The following THSD4 variants were observed in gnomAD, a reference collection of about 807,000 sequenced individuals.
THSD4 encodes thrombospondin type-1 domain-containing protein 4.
In THSD4, 69 loss-of-function variants were observed where a neutral mutation model predicts 119.0. The ratio of observed to expected loss-of-function variants is 0.58; its 90% CI spans 0.48 to 0.71. The LOEUF (loss-of-function observed/expected upper bound fraction) is 0.71. THSD4 is among the 30% of genes least tolerant of loss of function. The probability of loss-of-function intolerance (pLI) is 0.00; values close to 1 mark genes in which losing one functional copy is unlikely to be tolerated. For synonymous variants in THSD4, 524 were observed against 540.4 expected (o/e 0.97, Z 0.42); for missense variants, 1,393 against 1,391.1 (o/e 1.00, Z -0.02).
chr15:71,507,344 A>G (rs920432063), intron 7 of THSD4, among the ~76,000 whole-genome samples: 3 of 152,104 alleles, frequency 2.0e-5, no homozygotes, highest in Admixed American at 1.3e-4. Flanking sequence ...CCAGGAACCA[A>G]TTTGGGTTTT....
intron 6 of THSD4, among the ~76,000 whole-genome samples, chr15:71,329,739 T>C (rs533126837): frequency 6.6e-6 from 1 of 152,246 alleles, no homozygotes; most frequent in Admixed American, 6.5e-5. Context: ...GTGGTAACAA[T>C]AAAATGAAGG....
intron 6 of THSD4, among the ~76,000 whole-genome samples, chr15:71,326,384 A>T (rs2045338546): frequency 1.3e-5 from 2 of 151,646 alleles, no homozygotes; most frequent in Admixed American, 1.3e-4. Context: ...GATAACGGTG[A>T]TAGTGGTGGT....
chr15:71,121,048 G>A (rs2040404720), intron 1 of THSD4, among the ~76,000 whole-genome samples: 1 of 152,174 alleles, frequency 6.6e-6, no homozygotes, highest in Non-Finnish European at 1.5e-5. Flanking sequence ...TTCCTTCTTG[G>A]AAACCCTCCG....
At chr15:71,480,826 G>T (rs549690043) in intron 7 of THSD4, among the ~76,000 whole-genome samples, 10 of 152,282 alleles carry the variant, frequency 6.6e-5, no homozygotes, top group African/African-American at 2.4e-4. Flanking sequence ...GAAGAGGAGC[G>T]CAGTGGATAG....
intron 6 of THSD4, among the ~76,000 whole-genome samples, chr15:71,371,799 G>GAA (rs2046053921): frequency 1.3e-5 from 2 of 152,114 alleles, no homozygotes; most frequent in Non-Finnish European, 2.9e-5. Flanking sequence ...GGCATTCTCT[G>GAA]TATTTCCTGA....
At chr15:71,535,035 A>C (rs774664304) in intron 7 of THSD4, among the ~76,000 whole-genome samples, 1 of 152,206 alleles carries the variant, frequency 6.6e-6, no homozygotes, top group Non-Finnish European at 1.5e-5. Context: ...TAGTATATTT[A>C]TATTCACAGG....
chr15:71,663,923 G>C (rs1185896390), intron 8 of THSD4, among the ~76,000 whole-genome samples: 1 of 151,892 alleles, frequency 6.6e-6, no homozygotes, highest in Non-Finnish European at 1.5e-5. Flanking sequence ...TTGATCTGCA[G>C]AATAAGCAAT....
Position 71,440,577 on chromosome 15 carries a change from C to T in THSD4, c.1152+28754C>T, listed in dbSNP as rs185888389. On this transcript the variant is annotated intron_variant, in intron 7 of 17. Coordinates refer to ENST00000261862, the MANE Select transcript of THSD4 (RefSeq NM_024817.3). ...TAAATGAAAGTCTATGCCTTATTGC[C>T]GTGTTCCTGCTTTTATAGATCATAT... Among the ~76,000 whole-genome samples, 275 of 152,266 alleles carry T rather than the reference C, an allele frequency of 1.8e-3. 2 individuals carry two copies. The highest frequency in any genetic ancestry group is 3.4e-3 in the Middle Eastern group (1 of 294).
intron 5 of THSD4, among the ~76,000 whole-genome samples, chr15:71,256,017 G>A (rs1429619322): frequency 1.3e-5 from 2 of 152,062 alleles, no homozygotes; most frequent in East Asian, 3.9e-4. Context: ...AAATTATAGT[G>A]TGCAAAAAAA....
chr15:71,548,392 T>A (rs1482145325), intron 7 of THSD4, among the ~76,000 whole-genome samples: 1 of 152,232 alleles, frequency 6.6e-6, no homozygotes, highest in Non-Finnish European at 1.5e-5. Flanking sequence ...TTGCCTTTTG[T>A]TAGCCTTGTC....
At chr15:71,572,057 CAGAA>C (rs1441989063) in intron 7 of THSD4, among the ~76,000 whole-genome samples, 10 of 151,848 alleles carry the variant, frequency 6.6e-5, no homozygotes, top group African/African-American at 1.2e-4. Context: ...TTATTGTTGA[CAGAA>C]AGAGAGAGAG....
chr15:71,752,258 A>G (rs2053461354), intron 14 of THSD4, among the ~76,000 whole-genome samples: 1 of 152,160 alleles, frequency 6.6e-6, no homozygotes. Context: ...CTACATGTAA[A>G]TTTTCCAAAG....
At chr15:71,122,012 T>C (rs780738137) in intron 1 of THSD4, among the ~76,000 whole-genome samples, 2 of 152,154 alleles carry the variant, frequency 1.3e-5, no homozygotes, top group African/African-American at 4.8e-5. Context: ...GGTAGAGCTG[T>C]GTCTTCAAGT....
At chr15:71,247,182 GC>G (rs1209886170) in intron 5 of THSD4, among the ~76,000 whole-genome samples, 2 of 151,834 alleles carry the variant, frequency 1.3e-5, no homozygotes, top group South Asian at 4.2e-4. Context: ...ACAGGCATGA[GC>G]CACTGCACCC....
chr15:71,230,118 T>C (rs112485696), intron 4 of THSD4, among the ~76,000 whole-genome samples: 21 of 152,300 alleles, frequency 1.4e-4, no homozygotes, highest in African/African-American at 5.1e-4. Flanking sequence ...CAGAGGGCAC[T>C]GTTTGACAGT....
intron 10 of THSD4, among the ~76,000 whole-genome samples, chr15:71,735,818 C>T (rs1266597746): frequency 6.6e-6 from 1 of 151,582 alleles, no homozygotes; most frequent in Admixed American, 6.6e-5. Context: ...CTCTATCTCT[C>T]TGTCTCTCTT....
intron 3 of THSD4, among the ~76,000 whole-genome samples, chr15:71,199,783 G>GTGTGTGCTGT (rs2043772822): frequency 1.0e-5 from 1 of 97,934 alleles, no homozygotes; most frequent in Non-Finnish European, 2.1e-5. Context: ...GTGGTGTGTG[G>GTGTGTGCTGT]GTGTGTGCTG....
At chr15:71,639,692 T>C (rs939499345) in intron 7 of THSD4, among the ~76,000 whole-genome samples, 18 of 152,150 alleles carry the variant, frequency 1.2e-4, no homozygotes, top group Non-Finnish European at 2.9e-5. Flanking sequence ...ACTTATTAAA[T>C]TGTGAATCAA....
At chr15:71,405,684 A>G (rs1286317524) in intron 6 of THSD4, among the ~76,000 whole-genome samples, 1 of 152,200 alleles carries the variant, frequency 6.6e-6, no homozygotes, top group Admixed American at 6.5e-5. Flanking sequence ...ACCTTCAGAA[A>G]AATAAGAGGG....
Sources: allele counts gnomAD v4.1 joint callset (sites outside exome capture counted in the v4.1 genomes callset), GRCh38; gene constraint gnomAD v4.1.1; transcripts MANE v1.5; gene names NCBI Gene and HGNC (gene_info 2026-07-23, HGNC 2026-07-21).